The following PLCL1 variants were observed in gnomAD, a reference collection of about 807,000 sequenced individuals.
PLCL1 encodes the protein inactive phospholipase C-like protein 1.
PLCL1 carries 41 observed loss-of-function variants against 84.4 expected under a neutral mutation model. The observed-to-expected ratio is 0.49, with a 90% CI of 0.38 to 0.63. PLCL1 has a LOEUF of 0.63. Among genes scored for constraint, PLCL1 ranks in the 30% least tolerant of loss-of-function variants. The pLI is 0.00. For missense variants in PLCL1, 1,206 were observed against 1,367.8 expected (o/e 0.88, Z 1.87); for synonymous variants, 490 against 488.3 (o/e 1.00, Z -0.05).
At chr2:198,015,721 A>G (rs1646311370) in intron 1 of PLCL1, among the ~76,000 whole-genome samples, 1 of 152,160 alleles carries the variant, frequency 6.6e-6, no homozygotes, top group African/African-American at 2.4e-5. Context: ...TGATATGCAT[A>G]GTGTAAGATA....
At chr2:198,123,689 TA>T (rs1693922816) in intron 5 of PLCL1, among the ~76,000 whole-genome samples, 1 of 152,068 alleles carries the variant, frequency 6.6e-6, no homozygotes, top group Non-Finnish European at 1.5e-5. Flanking sequence ...CGTAACCTGT[TA>T]GGAACCAGAC....
At chr2:197,823,939 G>A (rs572809434) in intron 1 of PLCL1, among the ~76,000 whole-genome samples, 1 of 152,002 alleles carries the variant, frequency 6.6e-6, no homozygotes, top group South Asian at 2.1e-4. Flanking sequence ...TTTAAAAGTG[G>A]TCTCCACTTT....
chr2:198,046,494 C>G (rs960529076), intron 1 of PLCL1, among the ~76,000 whole-genome samples: 3 of 152,114 alleles, frequency 2.0e-5, no homozygotes, highest in African/African-American at 7.2e-5. Context: ...ATAAGTAAAA[C>G]AGAGAAAGAT....
intron 1 of PLCL1, among the ~76,000 whole-genome samples, chr2:197,970,749 T>A (rs1481505573): frequency 2.6e-5 from 4 of 152,230 alleles, no homozygotes; most frequent in African/African-American, 9.6e-5. Context: ...TTACCTTTTT[T>A]TCCCCCACAA....
At chr2:197,966,016 T>C (rs1689725204) in intron 1 of PLCL1, among the ~76,000 whole-genome samples, 1 of 152,070 alleles carries the variant, frequency 6.6e-6, no homozygotes, top group Non-Finnish European at 1.5e-5. Flanking sequence ...GACTGGGTTC[T>C]TCCCTTCAAG....
intron 1 of PLCL1, among the ~76,000 whole-genome samples, chr2:198,042,678 G>T (rs1248876203): frequency 1.3e-5 from 2 of 152,216 alleles, no homozygotes. Flanking sequence ...CTTAAGGTAT[G>T]TTGAGTTTGA....
rs1308392277 is a variant in PLCL1 at position 197,804,686 on chromosome 2, C to T, written c.-414C>T. On this transcript the variant is annotated 5_prime_UTR_variant, in exon 1 of 6. Transcript: ENST00000428675. ...TGGCGGGTGCGCCCGGCCGCAGTCGCCCGGCTCTGGCCCCTATCGGGCCGC... is the reference window on the plus strand; with the variant it reads ...TGGCGGGTGCGCCCGGCCGCAGTCGTCCGGCTCTGGCCCCTATCGGGCCGC... 5 of 156,470 alleles carry T rather than the reference C, an allele frequency of 3.2e-5. No homozygotes were observed. Among genetic ancestry groups the T allele is most frequent in the Admixed American group, 6.5e-5 (1 of 15,336 alleles). 9.7% of individuals were successfully genotyped at this position (156,470 alleles called of 1,614,324 possible).
At chr2:197,960,088 G>A (rs1042684718) in intron 1 of PLCL1, among the ~76,000 whole-genome samples, 11 of 152,036 alleles carry the variant, frequency 7.2e-5, no homozygotes, top group Non-Finnish European at 4.4e-5. Flanking sequence ...GTTTATCACC[G>A]TTCCCAGAGT....
intron 1 of PLCL1, among the ~76,000 whole-genome samples, chr2:197,848,771 T>G (rs1436386546): frequency 6.6e-6 from 1 of 152,152 alleles, no homozygotes; most frequent in Non-Finnish European, 1.5e-5. Context: ...TGTTGCTGCC[T>G]AGAGACTGGT....
chr2:198,007,387 A>G (rs1372808370), intron 1 of PLCL1, among the ~76,000 whole-genome samples: 2 of 152,078 alleles, frequency 1.3e-5, no homozygotes, highest in African/African-American at 2.4e-5. Context: ...CTGTTTAGTT[A>G]TATTTTATGG....
chr2:197,887,706 C>T (rs1687947883), intron 1 of PLCL1, among the ~76,000 whole-genome samples: 1 of 152,110 alleles, frequency 6.6e-6, no homozygotes, highest in African/African-American at 2.4e-5. Flanking sequence ...ACTTTGTACC[C>T]ATTAAGTAAT....
intron 1 of PLCL1, among the ~76,000 whole-genome samples, chr2:197,898,580 A>G (rs903639601): frequency 2.6e-5 from 4 of 151,786 alleles, no homozygotes; most frequent in African/African-American, 9.7e-5. Context: ...ATCATGCCCA[A>G]GAGAACCCTC....
At chr2:197,918,445 G>T (rs1027139685) in intron 1 of PLCL1, among the ~76,000 whole-genome samples, 1 of 152,094 alleles carries the variant, frequency 6.6e-6, no homozygotes, top group Non-Finnish European at 1.5e-5. Context: ...TAATATATCA[G>T]TAATAGTTCA....
At chr2:198,123,349 TGTTGAAATCCTAAACCCCCA>T (rs1484102890) in intron 5 of PLCL1, among the ~76,000 whole-genome samples, 1 of 152,066 alleles carries the variant, frequency 6.6e-6, no homozygotes, top group East Asian at 1.9e-4. Flanking sequence ...CAAATTTCTA[TGTTGAAATCCTAAACCCCCA>T]GTATCTCAGG....
intron 3 of PLCL1, among the ~76,000 whole-genome samples, chr2:198,099,326 A>G (rs1397023407): frequency 6.6e-6 from 1 of 152,026 alleles, no homozygotes; most frequent in Non-Finnish European, 1.5e-5. Flanking sequence ...TTTCTCCCTG[A>G]CAACTTAGAT....
rs559674683 is a variant in PLCL1, at chr2:197,987,108, C to T, written c.241-96650C>T. Among the ~76,000 whole-genome samples, 2 of 152,268 alleles carry T rather than the reference C, an allele frequency of 1.3e-5. 1 individual carries two copies. The highest frequency in any genetic ancestry group is 4.1e-4 in the South Asian group (2 of 4,822). ...GAAAAATAGCTAAAATATAAAGTCT[C>T]ATTAGTTTTTAAAGTAAGCATCCAG... On this transcript the variant is annotated intron_variant, in intron 1 of 5. Transcript: ENST00000428675.
Position 198,086,828 on chromosome 2 carries a change from T to C in PLCL1, c.2715+596T>C, listed in dbSNP as rs116768873. On this transcript the variant is annotated intron_variant, in intron 2 of 5. Transcript: ENST00000428675. ...ATATGGAAATGTGCATCTGAAACAATGGGAACCAAGTAGAATATACAATAT... is the reference window on the plus strand; with the variant it reads ...ATATGGAAATGTGCATCTGAAACAACGGGAACCAAGTAGAATATACAATAT... Among the ~76,000 whole-genome samples, 467 of 152,300 alleles carry C rather than the reference T, an allele frequency of 3.1e-3. 1 individual carries two copies. Among genetic ancestry groups the C allele is most frequent in the African/African-American group, 0.011 (442 of 41,562 alleles).
chr2:198,144,514 A>G (rs544224139), intron 5 of PLCL1, among the ~76,000 whole-genome samples: 150 of 152,300 alleles, frequency 9.8e-4, no homozygotes, highest in South Asian at 6.2e-4. Flanking sequence ...AATGTTAACC[A>G]CTTTCTAAAT....
intron 1 of PLCL1, among the ~76,000 whole-genome samples, chr2:197,873,937 A>G (rs1559031863): frequency 6.6e-6 from 1 of 152,168 alleles, no homozygotes; most frequent in Non-Finnish European, 1.5e-5. Flanking sequence ...TCAGCTGTTC[A>G]CTGATAGCTT....
Sources: gnomAD v4.1 joint callset for allele counts (sites outside exome capture counted in the v4.1 genomes callset) on GRCh38, gnomAD v4.1.1 for gene constraint, MANE v1.5 for transcripts, NCBI Gene and HGNC (gene_info 2026-07-23, HGNC 2026-07-21) for gene names.